FCHO2: variants seen among roughly 807,000 people sequenced by gnomAD.
FCHO2 encodes F-BAR domain only protein 2.
A neutral mutation model predicts 114.1 loss-of-function variants in FCHO2; 43 were observed. The observed-to-expected ratio is 0.38, with a 90% confidence interval of 0.30 to 0.49. The LOEUF is 0.49. Ranked by LOEUF, FCHO2 falls within the 20% of genes least tolerant of loss-of-function variation. The pLI is 0.97. For missense variants in FCHO2, 807 were observed against 950.4 expected, an observed-to-expected ratio of 0.85 and a Z score of 1.98; for synonymous variants, 293 against 315.2, an observed-to-expected ratio of 0.93 and a Z score of 0.75.
In FCHO2 at chr5:73,068,662, A is replaced by AG. The variant is rs1446495009; in HGVS notation, c.1463dup (p.Ser488ArgfsTer67). On this transcript the variant is annotated frameshift_variant, in exon 19 of 26. Coordinates refer to ENST00000430046, the MANE Select transcript of FCHO2 (RefSeq NM_138782.3). LOFTEE classifies it high-confidence loss of function. ...TTTTGTTTTTAAGCCCAGGCCATTC[A>AG]GCCCACCTGTAACTTCCAACACCAG... 2 of 1,610,834 alleles carry AG rather than the reference A, an allele frequency of 1.2e-6. No individual in the cohort carries two copies. Among genetic ancestry groups the AG allele is most frequent in the Non-Finnish European group, 1.7e-6 (2 of 1,178,248 alleles).
rs189810484 is a variant in FCHO2 at position 72,959,315 on chromosome 5, T to C, written c.33+3186T>C. Among the ~76,000 whole-genome samples, 51 of 152,282 alleles carry C rather than the reference T, an allele frequency of 3.3e-4. No individual in the cohort carries two copies. In the East Asian group the frequency reaches 7.5e-3, roughly 23 times the overall value. ...TGAGCCCAAGAATTGGAGACCAGCC[T>C]GGGCAACACAGTAGACCTTGTCTCT... is the stretch of plus-strand genomic sequence containing the variant. On this transcript the variant is annotated intron_variant, in intron 1 of 25. Coordinates refer to ENST00000430046, the MANE Select transcript of FCHO2 (RefSeq NM_138782.3).
intron 1 of FCHO2, 104 bp from the exon 2 acceptor site, chr5:72,968,394 C>A: frequency 2.9e-6 from 2 of 693,554 alleles, no homozygotes; most frequent in Non-Finnish European, 4.5e-6. Context: ...ATGAAAACAC[C>A]TCACCTGAGC....
chr5:73,038,645 C>T (rs921046558), intron 10 of FCHO2, among the ~76,000 whole-genome samples: 4 of 152,070 alleles, frequency 2.6e-5, no homozygotes, highest in Non-Finnish European at 5.9e-5. Context: ...ATTTGAGTTT[C>T]CTAGAATTTC....
intron 5 of FCHO2, among the ~76,000 whole-genome samples, chr5:73,004,973 TA>T (rs1754639978): frequency 1.3e-5 from 2 of 152,194 alleles, no homozygotes; most frequent in African/African-American, 4.8e-5. Context: ...ACTGGGATCT[TA>T]GAATGTATTC....
intron 5 of FCHO2, among the ~76,000 whole-genome samples, chr5:72,997,839 C>T (rs1385546009): frequency 6.6e-6 from 1 of 152,210 alleles, no homozygotes; most frequent in Non-Finnish European, 1.5e-5. Flanking sequence ...GAAGCAGCCT[C>T]ACTCTAACTT....
chr5:72,963,400 C>G (rs1424608384), intron 1 of FCHO2, among the ~76,000 whole-genome samples: 1 of 152,100 alleles, frequency 6.6e-6, no homozygotes, highest in African/African-American at 2.4e-5. Flanking sequence ...TCCCTCTACC[C>G]TTATAATTTT....
At position 73,036,856 on chromosome 5, in the gene FCHO2, G is replaced by T. The variant is rs116053227; in HGVS notation, c.842-287G>T. On this transcript the variant is annotated intron_variant, in intron 9 of 25. Transcript: ENST00000430046. ...TTGAAGTTTTAAGATATCTCCATAT[G>T]CTTATTATGTGTAAGGTGACTTAAG... Among the ~76,000 whole-genome samples the T allele has an allele frequency of 5.6e-3, 856 of 152,156 alleles. 14 individuals carry two copies. The highest frequency in any genetic ancestry group is 0.02 in the African/African-American group (821 of 41,514).
chr5:73,046,946 A>G (rs1757088337), intron 11 of FCHO2, among the ~76,000 whole-genome samples: 1 of 152,324 alleles, frequency 6.6e-6, no homozygotes, highest in African/African-American at 2.4e-5. Flanking sequence ...ACAGTTCTTC[A>G]TATCTTTCTT....
At chr5:73,004,572 T>A (rs762079857) in intron 5 of FCHO2, among the ~76,000 whole-genome samples, 12 of 152,204 alleles carry the variant, frequency 7.9e-5, no homozygotes, top group Non-Finnish European at 1.3e-4. Context: ...ATTTTTAAAT[T>A]TAACTGTATG....
chr5:72,979,968 T>C (rs1303410605), intron 2 of FCHO2, among the ~76,000 whole-genome samples: 1 of 152,198 alleles, frequency 6.6e-6, no homozygotes, highest in Non-Finnish European at 1.5e-5. Flanking sequence ...TGATCTTAGT[T>C]ATTTCTTGTC....
Position 72,968,603 on chromosome 5 carries a change from A to G in FCHO2, c.125+14A>G, listed in dbSNP as rs747316016. The G allele has an allele frequency of 8.1e-6, 12 of 1,484,328 alleles. No homozygotes were observed. Among genetic ancestry groups the G allele is most frequent in the East Asian group, 5.2e-5 (2 of 38,832 alleles). The allele number at this position is 1,484,328 out of a possible 1,614,324, so 91.9% of individuals were successfully genotyped here. On this transcript the variant is annotated intron_variant, in intron 2 of 25. Coordinates refer to ENST00000430046, the MANE Select transcript of FCHO2 (RefSeq NM_138782.3). ...TGTAAGGGAACGGTATGTATTTTTT[A>G]AATAAGTAATTTGTTTAACAACTTA...
intron 24 of FCHO2, among the ~76,000 whole-genome samples, chr5:73,086,583 CTTT>C (rs1331885759): frequency 6.6e-6 from 1 of 152,134 alleles, no homozygotes; most frequent in Non-Finnish European, 1.5e-5. Flanking sequence ...AATATCTTTC[CTTT>C]TTATTAGCCC....
intron 8 of FCHO2, among the ~76,000 whole-genome samples, chr5:73,031,598 A>G (rs1253616194): frequency 2.0e-5 from 3 of 152,136 alleles, no homozygotes; most frequent in Non-Finnish European, 4.4e-5. Flanking sequence ...TTTTAATCCA[A>G]ATTAGGTTTG....
At chr5:73,050,144 A>G (rs1580167316) in intron 11 of FCHO2, among the ~76,000 whole-genome samples, 1 of 152,142 alleles carries the variant, frequency 6.6e-6, no homozygotes, top group East Asian at 1.9e-4. Flanking sequence ...GAAATAATTT[A>G]TTACTCCTTA....
At chr5:72,975,658 C>G (rs1315986600) in intron 2 of FCHO2, among the ~76,000 whole-genome samples, 1 of 152,126 alleles carries the variant, frequency 6.6e-6, no homozygotes, top group African/African-American at 2.4e-5. Flanking sequence ...GCATGCACCA[C>G]CATGCCTGGC....
chr5:73,025,115 C>T (rs1389638753), intron 8 of FCHO2, among the ~76,000 whole-genome samples: 1 of 152,126 alleles, frequency 6.6e-6, no homozygotes, highest in African/African-American at 2.4e-5. Flanking sequence ...AACAAACTAA[C>T]TAGTGTGGGG....
intron 2 of FCHO2, among the ~76,000 whole-genome samples, chr5:72,975,857 A>G (rs182759797): frequency 1.9e-3 from 292 of 152,198 alleles, no homozygotes; most frequent in African/African-American, 6.1e-3. Flanking sequence ...GATGTACTAC[A>G]TTTTATCCAC....
At chr5:72,968,915 T>C (rs1752354134) in intron 2 of FCHO2, among the ~76,000 whole-genome samples, 1 of 152,202 alleles carries the variant, frequency 6.6e-6, no homozygotes, top group Non-Finnish European at 1.5e-5. Context: ...TTGTTAACCA[T>C]GCTAAAATAA....
chr5:72,968,763 A>G lies in FCHO2; in HGVS notation c.125+174A>G, dbSNP rs148016607. 3.6e-3 allele frequency among the ~76,000 whole-genome samples: 542 copies of G among 152,340 alleles called. 5 individuals are homozygous for G. The highest frequency in any genetic ancestry group is 0.013 in the African/African-American group (527 of 41,594). On this transcript the variant is annotated intron_variant, in intron 2 of 25. Transcript: ENST00000430046. The stretch of plus-strand genomic sequence containing the variant: ...TATCATCTACACAGCTGAGGGCTGT[A>G]TAGTGGCTCAAAGTGGCTCAAAGTT...
Sources: allele counts gnomAD v4.1 joint callset (sites outside exome capture counted in the v4.1 genomes callset), GRCh38; gene constraint gnomAD v4.1.1; transcripts MANE v1.5; gene names NCBI Gene and HGNC (gene_info 2026-07-23, HGNC 2026-07-21).